Variants in ATIC observed in about 807,000 individuals in gnomAD.
ATIC encodes the protein bifunctional purine biosynthesis protein ATIC.
Under a neutral mutation model 72.5 loss-of-function variants are expected in ATIC, and 64 were observed. The observed-to-expected ratio is 0.88, with a 90% CI of 0.72 to 1.09. The LOEUF is 1.09. ATIC is among the 50% of genes least tolerant of loss of function. ATIC has a pLI of 0.00. For synonymous variants in ATIC, 281 were observed against 267.1 expected (o/e 1.05, Z -0.51); for missense variants, 787 against 732.4 (o/e 1.07, Z -0.86).
intron 7 of ATIC, among the ~76,000 whole-genome samples, chr2:215,330,705 CTCTTT>C (rs992605561): frequency 6.6e-6 from 1 of 151,080 alleles, no homozygotes; most frequent in Non-Finnish European, 1.5e-5. Context: ...TTATCTTTTT[CTCTTT>C]TCTTTTTTTT....
chr2:215,349,809 C>G (rs949321003), downstream of ATIC: 4 of 1,358,264 alleles, frequency 2.9e-6, no homozygotes, highest in Non-Finnish European at 4.1e-6. Flanking sequence ...GATGCAGGCT[C>G]TTTGAACTGA....
At chr2:215,333,303 A>G (rs766893403) in intron 8 of ATIC, 47 bp from the exon 9 acceptor site, 3 of 1,515,456 alleles carry the variant, frequency 2.0e-6, no homozygotes, top group Admixed American at 3.3e-5. Flanking sequence ...GTTGACAGGT[A>G]GTAACTTTAG....
At chr2:215,367,118 C>T in the ATIC span, among the ~76,000 whole-genome samples, 227 of 152,226 alleles carry the variant, frequency 1.5e-3, 1 homozygote, top group African/African-American at 5.3e-3. Context: ...ATAGGCATAA[C>T]GGTCAACACC....
chr2:215,361,639 A>G, the ATIC span: 1 of 1,600,412 alleles, frequency 6.2e-7, no homozygotes, highest in South Asian at 1.1e-5. Flanking sequence ...GTTAAAAAGG[A>G]AGAAGGAAAA....
chr2:215,320,398 C>T (rs2052754225), intron 4 of ATIC, among the ~76,000 whole-genome samples: 1 of 152,070 alleles, frequency 6.6e-6, no homozygotes. Context: ...TATTTTGGCT[C>T]GTGATTCTAT....
At position 215,344,718 on chromosome 2, in the gene ATIC, A is replaced by C. The variant is rs969500024; in HGVS notation, c.1228-61A>C. ...ACAAAAAATAATATTTAAAAAAAGA[A>C]GCTTAAAGTTAAATGAGTTTAAAAG... On this transcript the variant is annotated intron_variant, in intron 12 of 15. Coordinates refer to ENST00000236959, the MANE Select transcript of ATIC (RefSeq NM_004044.7). 7.4e-6 allele frequency: 11 copies of C among 1,483,440 alleles called. No homozygotes were observed. In the African/African-American group the frequency reaches 8.3e-5, roughly 11 times the overall value. The allele number at this position is 1,483,440 out of a possible 1,614,324, so 91.9% of individuals were successfully genotyped here. A position where few individuals can be genotyped will look rare whatever the true frequency, so the allele number is the denominator to read the frequency against.
In ATIC at chr2:215,326,086, G is replaced by A. The variant is rs1393272631; in HGVS notation, c.479G>A (p.Ser160Asn). Reference sequence around the variant, plus strand: ...GTGGTGGTGTCCACGGAGATGCAGAGCTCCGAGAGTAAGGACACCTCCTTG... The same window carrying A: ...GTGGTGGTGTCCACGGAGATGCAGAACTCCGAGAGTAAGGACACCTCCTTG... ...DYVVVSTEMQSSESKDTSLET... is the reference protein window; with the variant it reads ...DYVVVSTEMQNSESKDTSLET... Residue 160 changes from serine (S) to asparagine (N), a missense_variant, in exon 6 of 16, where the codon AGC (serine) becomes AAC (asparagine). By Grantham distance (46) the Ser-to-Asn change is conservative (BLOSUM62 1). Transcript: ENST00000236959. 2 of 1,614,166 alleles carry A rather than the reference G, an allele frequency of 1.2e-6. No homozygotes were observed. The highest frequency in any genetic ancestry group is 1.3e-5 in the African/African-American group (1 of 75,052).
chr2:215,366,955 A>G, the ATIC span, among the ~76,000 whole-genome samples: 6 of 152,344 alleles, frequency 3.9e-5, no homozygotes, highest in African/African-American at 1.2e-4. Context: ...GGAAGTCTAT[A>G]TTGAAAACAC....
At chr2:215,313,817 T>G (rs1317895273) in intron 2 of ATIC, among the ~76,000 whole-genome samples, 1 of 152,208 alleles carries the variant, frequency 6.6e-6, no homozygotes, top group Non-Finnish European at 1.5e-5. Context: ...TTGCGTCTTG[T>G]CTCTGTGGTT....
At chr2:215,326,624 A>C (rs1559270850) in intron 6 of ATIC, among the ~76,000 whole-genome samples, 198 bp from the exon 7 acceptor site, 1 of 151,672 alleles carries the variant, frequency 6.6e-6, no homozygotes. Flanking sequence ...AAAAAAAAAA[A>C]GATTGAAAAA....
intron 2 of ATIC, among the ~76,000 whole-genome samples, chr2:215,314,585 G>T (rs1467718136): frequency 6.6e-6 from 1 of 151,354 alleles, no homozygotes; most frequent in African/African-American, 2.4e-5. Flanking sequence ...TGCAACCTCT[G>T]CCTCCCAGGT....
In ATIC at chr2:215,338,899, A is replaced by G. The variant is rs1302012591; in HGVS notation, c.1219A>G (p.Asn407Asp). 1.2e-6 allele frequency: 2 copies of G among 1,613,406 alleles called. No homozygotes were observed. The highest frequency in any genetic ancestry group is 2.7e-5 in the African/African-American group (2 of 74,922). Residue 407 changes from asparagine (N) to aspartate (D), a missense_variant, in exon 12 of 16, where the codon AAT becomes GAT. By Grantham distance (23) the Asn-to-Asp change is conservative. Transcript: ENST00000236959. ...ATTATTTAGCAATGTTGTTACCAAA[A>G]ATAAAGATGTAAGTTGGGAAGTATC... ...KSLFSNVVTKNKDLPESALRD... is the reference protein window; with the variant it reads ...KSLFSNVVTKDKDLPESALRD...
At chr2:215,326,289 T>C (rs2052824597) in intron 6 of ATIC, 151 bp downstream of exon 6, 1 of 1,054,844 alleles carries the variant, frequency 9.5e-7, no homozygotes. Flanking sequence ...AAACCAGCTA[T>C]TACAGAGGTG....
chr2:215,312,440 C>A (rs2052663715), intron 1 of ATIC, 58 bp from the exon 2 acceptor site: 1 of 1,613,558 alleles, frequency 6.2e-7, no homozygotes, highest in South Asian at 1.1e-5. Flanking sequence ...CTCCCAAGGC[C>A]TTGCAGAACA....
At chr2:215,364,999 C>A in the ATIC span, 2 of 1,479,888 alleles carry the variant, frequency 1.4e-6, no homozygotes, top group South Asian at 2.4e-5. Flanking sequence ...CATATAGACA[C>A]AAGACAGATG....
Position 215,347,522 on chromosome 2 carries a change from C to T in ATIC, c.1503+581C>T, listed in dbSNP as rs370387879. 60 of 474,966 alleles carry T rather than the reference C, an allele frequency of 1.3e-4. No individual in the cohort carries two copies. In the East Asian group the frequency reaches 1.8e-3, roughly 14 times the overall value. The allele number at this position is 474,966 out of a possible 1,614,324, so 29.4% of individuals were successfully genotyped here. A position where few individuals can be genotyped will look rare whatever the true frequency, so the allele number is the denominator to read the frequency against. On this transcript the variant is annotated intron_variant, in intron 14 of 15. Coordinates refer to ENST00000236959, the MANE Select transcript of ATIC (RefSeq NM_004044.7). ...TCTAGCCCAGTTTCTGGACATATTG[C>T]GTGCCTAACAAAATGCTGGATGGAA...
intron 4 of ATIC, 147 bp downstream of exon 4, chr2:215,319,878 T>C: frequency 1.4e-6 from 1 of 708,682 alleles, no homozygotes; most frequent in East Asian, 2.7e-5. Context: ...CATTTTGGTT[T>C]GGCCAGATTT....
At chr2:215,347,480 C>G (rs1430742846) in intron 14 of ATIC, 6 of 418,778 alleles carry the variant, frequency 1.4e-5, no homozygotes, top group African/African-American at 1.2e-4. Context: ...AGGTAGGTAG[C>G]CCGCCAGAAG....
intron 14 of ATIC, chr2:215,347,179 C>A: frequency 3.8e-6 from 2 of 533,328 alleles, no homozygotes; most frequent in Non-Finnish European, 6.7e-6. Context: ...TTTTAAATTG[C>A]AGCCTTGGTG....
Sources: gnomAD v4.1 joint callset for allele counts (sites outside exome capture counted in the v4.1 genomes callset) on GRCh38, gnomAD v4.1.1 for gene constraint, MANE v1.5 for transcripts, NCBI Gene and HGNC (gene_info 2026-07-23, HGNC 2026-07-21) for gene names.